ARHGAP27: variants seen among roughly 807,000 people sequenced by gnomAD.
The protein encoded by ARHGAP27 is rho GTPase-activating protein 27.
ARHGAP27 carries 53 observed loss-of-function variants against 102.0 expected under a neutral mutation model. That is an observed-to-expected ratio of 0.52 (90% CI 0.42 to 0.65). The LOEUF is 0.65. Among genes scored for constraint, ARHGAP27 ranks in the 30% least tolerant of loss-of-function variants. The pLI is 0.00. For missense variants in ARHGAP27, 1,117 were observed against 1,256.2 expected, an observed-to-expected ratio of 0.89 and a Z score of 1.68; for synonymous variants, 525 against 542.8, an observed-to-expected ratio of 0.97 and a Z score of 0.46.
intron 18 of ARHGAP27, 50 bp from the exon 19 acceptor site, chr17:45,395,899 G>T: frequency 1.3e-6 from 2 of 1,575,634 alleles, no homozygotes; most frequent in Non-Finnish European, 1.7e-6. Context: ...GAGGTAGGGG[G>T]TATCGGCTGG....
chr17:45,429,700 C>T lies in ARHGAP27; in HGVS notation c.580G>A (p.Ala194Thr). Residue 194 changes from alanine to threonine, a missense_variant, in exon 4 of 20, where the codon GCG (alanine) becomes ACG (threonine). This residue lies in a region of ARHGAP27 where 610 missense variants were observed against 716.4 expected (regional missense o/e 0.85). Transcript: ENST00000685559. Reference protein sequence around the residue: ...AGSWVCPRPLARSDSENVYEV... With the variant: ...AGSWVCPRPLTRSDSENVYEV... The stretch of plus-strand genomic sequence containing the variant: ...TAGACGTTCTCTGAGTCGCTGCGCG[C>T]CAGAGGCCGCGGGCACACCCAGGAG... The T allele has an allele frequency of 6.4e-7, 1 of 1,558,072 alleles. No homozygotes were observed. Among genetic ancestry groups the T allele is most frequent in the African/African-American group, 1.4e-5 (1 of 73,320 alleles).
intron 4 of ARHGAP27, 57 bp downstream of exon 4, chr17:45,429,566 G>A (rs765974608): frequency 1.3e-6 from 2 of 1,574,412 alleles, no homozygotes; most frequent in Middle Eastern, 1.7e-4. Flanking sequence ...CCGGCTCCGT[G>A]CGGGCGCGGT....
chr17:45,402,139 G>C (rs867260674), intron 12 of ARHGAP27, among the ~76,000 whole-genome samples: 1 of 152,298 alleles, frequency 6.6e-6, no homozygotes, highest in South Asian at 2.1e-4. Context: ...CTGGGGATGC[G>C]GTCCAGTCGG....
chr17:45,397,925 C>T, intron 13 of ARHGAP27, 24 bp downstream of exon 13: 1 of 1,583,970 alleles, frequency 6.3e-7, no homozygotes, highest in Non-Finnish European at 8.6e-7. Flanking sequence ...CCCACTGCCC[C>T]TAGAGGCCCT....
At chr17:45,410,070 G>A in intron 4 of ARHGAP27, 1 of 913,434 alleles carries the variant, frequency 1.1e-6, no homozygotes, top group Non-Finnish European at 1.6e-6. Context: ...GCCCCAAGCT[G>A]ACCACCTCTT....
At chr17:45,410,236 G>T in intron 4 of ARHGAP27, 1 of 1,533,910 alleles carries the variant, frequency 6.5e-7, no homozygotes, top group African/African-American at 1.4e-5. Flanking sequence ...CCCTACCTGT[G>T]CCGGCAAGGC....
At chr17:45,417,491 G>T (rs2048584038) in intron 4 of ARHGAP27, among the ~76,000 whole-genome samples, 1 of 151,912 alleles carries the variant, frequency 6.6e-6, no homozygotes, top group African/African-American at 2.4e-5. Flanking sequence ...TTTTGTCTGG[G>T]CATGGTGGCT....
intron 4 of ARHGAP27, among the ~76,000 whole-genome samples, chr17:45,418,871 G>T (rs145795469): frequency 6.6e-6 from 1 of 152,160 alleles, no homozygotes; most frequent in Non-Finnish European, 1.5e-5. Context: ...GTCTCTACCC[G>T]TAAGGCCAGG....
Position 45,429,605 on chromosome 17 carries a change from C to T in ARHGAP27, c.657+18G>A, listed in dbSNP as rs1483227687. 1.9e-6 allele frequency: 3 copies of T among 1,575,486 alleles called. No homozygotes were observed. The highest frequency in any genetic ancestry group is 1.8e-5 in the Admixed American group (1 of 55,916). On this transcript the variant is annotated intron_variant, in intron 4 of 19. Coordinates refer to ENST00000685559, the MANE Select transcript of ARHGAP27 (RefSeq NM_001282290.2). ...TAGCGCGCCACCCGCCTCCGCGCCC[C>T]AGCGCCCGGGGAGGTACCTGCTCTG... is the stretch of plus-strand genomic sequence containing the variant.
intron 4 of ARHGAP27, among the ~76,000 whole-genome samples, chr17:45,413,094 C>T (rs916608075): frequency 2.0e-5 from 3 of 147,826 alleles, no homozygotes; most frequent in African/African-American, 7.5e-5. Flanking sequence ...ATTCTCCTGC[C>T]TCAGCTTCCT....
In ARHGAP27 at chr17:45,395,590, C is replaced by T; in HGVS notation, c.2536G>A (p.Val846Met). The change falls in exon 20 of 20, where the codon GTG becomes ATG. Residue 846 changes from valine to methionine, a missense_variant. Coordinates refer to ENST00000685559, the MANE Select transcript of ARHGAP27 (RefSeq NM_001282290.2). ...GEQNRMSVQS[V>M]AIVFGPTLLR... ...AGCGTGGGCCCGAACACAATGGCCA[C>T]GCTCTGCACCGACATGCGGTTCTGC... 6.2e-7 allele frequency: 1 copy of T among 1,607,102 alleles called. No individual in the cohort carries two copies. Among genetic ancestry groups the T allele is most frequent in the South Asian group, 1.1e-5 (1 of 89,518 alleles).
chr17:45,407,509 TC>T (rs1384487934), intron 4 of ARHGAP27: 3 of 143,356 alleles, frequency 2.1e-5, no homozygotes, highest in Non-Finnish European at 4.7e-5. Flanking sequence ...TTTTTCTTTT[TC>T]TTTTTTTTCT....
In ARHGAP27 at chr17:45,404,460, G is replaced by A. The variant is rs746401363; in HGVS notation, c.1398C>T (p.Ser466=). Residue 466 remains serine (S), a synonymous_variant, in exon 8 of 20, where the codon AGC becomes AGT. Coordinates refer to ENST00000685559, the MANE Select transcript of ARHGAP27 (RefSeq NM_001282290.2). The stretch of plus-strand genomic sequence containing the variant: ...CCTCCCCTACCTTCTCCTCTGGAGG[G>A]CTGGCCTGGGCTGGGGTGTCACCAT... The part of the protein sequence containing the change: ...SQDGDTPAQA[S]PPEEKVPAEL... The A allele has an allele frequency of 1.3e-5, 21 of 1,614,026 alleles. No individual in the cohort carries two copies. The South Asian group carries it at 2.3e-4, about 18-fold the overall frequency.
intron 4 of ARHGAP27, among the ~76,000 whole-genome samples, chr17:45,429,152 C>G (rs1224823624): frequency 6.6e-6 from 1 of 152,250 alleles, no homozygotes; most frequent in Non-Finnish European, 1.5e-5. Context: ...CGCAATCCCC[C>G]GTTCCGTGCC....
rs996504069 is a variant in ARHGAP27 at position 45,430,981 on chromosome 17, T to G, written c.-19+640A>C. Among the ~76,000 whole-genome samples, 1 of 151,844 alleles carries G rather than the reference T, an allele frequency of 6.6e-6. No individual in the cohort carries two copies. Among genetic ancestry groups the G allele is most frequent in the Non-Finnish European group, 1.5e-5 (1 of 67,936 alleles). On this transcript the variant is annotated intron_variant, in intron 3 of 19. Transcript: ENST00000685559. The surrounding 1 kb of genome is among the most constrained non-coding windows in gnomAD (Gnocchi z 4.4). ...GTTTCTCTTTCCTTCCCCAGCTGCA[T>G]CACCGCAGACGTGAGCCCGAGCCCG...
chr17:45,419,476 C>T (rs2048803519), intron 4 of ARHGAP27, among the ~76,000 whole-genome samples: 1 of 135,766 alleles, frequency 7.4e-6, no homozygotes, highest in African/African-American at 2.8e-5. Context: ...ATATACTATG[C>T]TGTGTGTGTA....
chr17:45,400,914 A>AATAATC (rs71136085), intron 12 of ARHGAP27, among the ~76,000 whole-genome samples: 44,355 of 147,910 alleles, frequency 0.3, 6,820 homozygotes, highest in East Asian at 0.48. Flanking sequence ...GACTCTGGAT[A>AATAATC]ATAATCATAA....
chr17:45,405,958 C>G lies in ARHGAP27; in HGVS notation c.783G>C (p.Gly261=), dbSNP rs1359077162. The stretch of plus-strand genomic sequence containing the variant: ...TGTCTGGGTTGTAGTAGTAGGGGCG[C>G]CCGGTGCCCGCGTCCGTGTGCGTCT... ...VWETHTDAGT[G]RPYYYNPDTG... is the part of the protein sequence containing the mutation. The change falls in exon 5 of 20, where the codon GGG becomes GGC. Residue 261 remains glycine, a synonymous_variant. Coordinates refer to ENST00000685559, the MANE Select transcript of ARHGAP27 (RefSeq NM_001282290.2). 6.5e-6 allele frequency: 10 copies of G among 1,535,864 alleles called. No homozygotes were observed. Among genetic ancestry groups the G allele is most frequent in the Non-Finnish European group, 8.7e-6 (10 of 1,146,794 alleles).
intron 4 of ARHGAP27, among the ~76,000 whole-genome samples, chr17:45,418,625 C>T (rs1264645337): frequency 1.3e-5 from 2 of 152,152 alleles, no homozygotes; most frequent in South Asian, 2.1e-4. Context: ...CACTTAAACA[C>T]GCCCTGTTTC....
Sources: gnomAD v4.1 joint callset for allele counts (sites outside exome capture counted in the v4.1 genomes callset) on GRCh38, gnomAD v4.1.1 for gene constraint, gnomAD v4.1.1 regional missense constraint, Gnocchi (gnomAD v3.1) non-coding constraint, MANE v1.5 for transcripts, NCBI Gene and HGNC (gene_info 2026-07-23, HGNC 2026-07-21) for gene names.